Variants in CTNNA2 observed in about 807,000 individuals in gnomAD.
CTNNA2 encodes catenin alpha 2, also known as catenin alpha-2.
In CTNNA2, 42 loss-of-function variants were observed where a neutral mutation model predicts 101.0. The observed-to-expected ratio is 0.42, with a 90% CI of 0.32 to 0.54. CTNNA2 has a LOEUF of 0.54. CTNNA2 is among the 20% of genes least tolerant of loss of function. The pLI, the probability that CTNNA2 is intolerant of heterozygous loss-of-function variation, is 0.14. For missense variants in CTNNA2, 871 were observed against 1,223.1 expected, an observed-to-expected ratio of 0.71 and a Z score of 4.29; for synonymous variants, 450 against 456.4, an observed-to-expected ratio of 0.99 and a Z score of 0.18.
chr2:79,268,122 T>C (rs1261511319), intron 2 of CTNNA2, among the ~76,000 whole-genome samples: 1 of 152,048 alleles, frequency 6.6e-6, no homozygotes, highest in Non-Finnish European at 1.5e-5. Flanking sequence ...AGGGGCCTGA[T>C]GGTAGTGAAT....
intron 1 of CTNNA2, among the ~76,000 whole-genome samples, chr2:79,631,817 T>TACTGAAGCATGCCTC (rs1204094110): frequency 2.0e-5 from 3 of 152,198 alleles, no homozygotes; most frequent in African/African-American, 7.2e-5. Flanking sequence ...CCCACTGCCT[T>TACTGAAGCATGCCTC]ACTGAAGCAT....
intron 6 of CTNNA2, among the ~76,000 whole-genome samples, chr2:79,897,647 C>G (rs760668342): frequency 1.5e-4 from 23 of 152,210 alleles, no homozygotes; most frequent in Non-Finnish European, 2.5e-4. Context: ...AGAATTACAA[C>G]TAGAAGGAAT....
intron 9 of CTNNA2, among the ~76,000 whole-genome samples, chr2:80,514,022 A>G (rs2149558053): frequency 6.6e-6 from 1 of 152,144 alleles, no homozygotes; most frequent in Admixed American, 6.5e-5. Flanking sequence ...TCTTTCTCAT[A>G]ATCTTTATTT....
intron 1 of CTNNA2, among the ~76,000 whole-genome samples, chr2:79,551,246 A>G (rs1327257389): frequency 2.6e-5 from 4 of 152,182 alleles, no homozygotes; most frequent in African/African-American, 9.6e-5. Flanking sequence ...GCTTTTTCCA[A>G]AGAGGTTTTG....
chr2:80,092,387 CA>C (rs1699844239), intron 7 of CTNNA2, among the ~76,000 whole-genome samples: 1 of 152,112 alleles, frequency 6.6e-6, no homozygotes, highest in South Asian at 2.1e-4. Flanking sequence ...AACAGGCATA[CA>C]CCCGTCACCT....
At position 80,163,131 on chromosome 2, in the gene CTNNA2, C is replaced by T. The variant is rs1573266174; in HGVS notation, c.1057-230080C>T. On this transcript the variant is annotated intron_variant, in intron 7 of 18. Transcript: ENST00000402739. The stretch of plus-strand genomic sequence containing the variant: ...ACCATCCTTATCTTTTGGAATTTCA[C>T]CTTTATTACTGGCCCAGCCTGGTGG... 8 of 1,572,682 alleles carry T rather than the reference C, an allele frequency of 5.1e-6. No individual in the cohort carries two copies. In the East Asian group the frequency reaches 1.8e-4, roughly 35 times the overall value.
At chr2:79,907,025 A>G (rs1164243829) in intron 6 of CTNNA2, among the ~76,000 whole-genome samples, 2 of 152,146 alleles carry the variant, frequency 1.3e-5, no homozygotes, top group Non-Finnish European at 2.9e-5. Flanking sequence ...CTGTTTTACA[A>G]TTGTCCTTAC....
At chr2:80,206,378 G>A (rs1573388343) in intron 7 of CTNNA2, among the ~76,000 whole-genome samples, 1 of 152,328 alleles carries the variant, frequency 6.6e-6, no homozygotes. Context: ...ACAATTTGAA[G>A]CCTATGCATT....
At chr2:79,302,772 A>G (rs1271800379) in intron 2 of CTNNA2, among the ~76,000 whole-genome samples, 1 of 152,190 alleles carries the variant, frequency 6.6e-6, no homozygotes, top group East Asian at 1.9e-4. Flanking sequence ...ATAAATAGCT[A>G]TCATTTCAAA....
intron 4 of CTNNA2, among the ~76,000 whole-genome samples, chr2:79,860,554 T>TTTTTTTTTTG: frequency 6.7e-6 from 1 of 149,994 alleles, no homozygotes; most frequent in Non-Finnish European, 1.5e-5. Flanking sequence ...AAGTTTTTTT[T>TTTTTTTTTTG]TTTTTTTTTT....
At chr2:79,390,714 A>G (rs1005744996) in intron 4 of CTNNA2, among the ~76,000 whole-genome samples, 2 of 152,172 alleles carry the variant, frequency 1.3e-5, no homozygotes, top group South Asian at 2.1e-4. Context: ...TATTTGGTCT[A>G]TCTTCCACGA....
At chr2:80,015,296 A>G (rs1400326667) in intron 7 of CTNNA2, among the ~76,000 whole-genome samples, 2 of 151,996 alleles carry the variant, frequency 1.3e-5, no homozygotes, top group Non-Finnish European at 2.9e-5. Flanking sequence ...TCTGTATTTG[A>G]AATTAAACCA....
intron 2 of CTNNA2, among the ~76,000 whole-genome samples, chr2:79,262,634 T>A (rs1674938388): frequency 6.6e-6 from 1 of 152,018 alleles, no homozygotes; most frequent in Non-Finnish European, 1.5e-5. Flanking sequence ...TGGGATCTGG[T>A]TTAAAATGCG....
intron 7 of CTNNA2, among the ~76,000 whole-genome samples, chr2:79,975,032 T>C (rs536865644): frequency 1.3e-5 from 2 of 152,262 alleles, no homozygotes; most frequent in South Asian, 4.1e-4. Context: ...CTGGTGAGCT[T>C]GGAACACGGT....
chr2:80,383,005 A>G (rs1676653452), intron 7 of CTNNA2, among the ~76,000 whole-genome samples: 1 of 152,186 alleles, frequency 6.6e-6, no homozygotes, highest in South Asian at 2.1e-4. Context: ...TAAAGATGAA[A>G]TGGCATTTTT....
At chr2:79,559,077 G>A (rs1365093695) in intron 1 of CTNNA2, among the ~76,000 whole-genome samples, 2 of 151,888 alleles carry the variant, frequency 1.3e-5, no homozygotes, top group African/African-American at 4.8e-5. Context: ...AAATTTTGAT[G>A]AATGAATGCT....
intron 3 of CTNNA2, among the ~76,000 whole-genome samples, chr2:79,362,751 A>T (rs6712199): frequency 0.36 from 54,841 of 152,086 alleles, 10,204 homozygotes; most frequent in Admixed American, 0.44. Flanking sequence ...TGACCCCAAC[A>T]TTTCTGATAG....
chr2:79,811,419 T>G (rs1176537673), intron 3 of CTNNA2, among the ~76,000 whole-genome samples: 3 of 152,212 alleles, frequency 2.0e-5, no homozygotes, highest in African/African-American at 4.8e-5. Context: ...AGATTCTGGA[T>G]ATTAGCCCTT....
chr2:79,364,620 T>A lies in CTNNA2; in HGVS notation c.-317-9211T>A, dbSNP rs146722117. ...GTACAGAAGCTGGAGAGTTCTTGAC[T>A]GCTTTAGGTTGAATAAAGTCTAAAG... On this transcript the variant is annotated intron_variant, in intron 3 of 21. Coordinates refer to the CTNNA2 transcript ENST00000466387. 1.5e-3 allele frequency among the ~76,000 whole-genome samples: 221 copies of A among 152,338 alleles called. 2 individuals carry two copies. The highest frequency in any genetic ancestry group is 5.0e-3 in the African/African-American group (209 of 41,576).
Sources: allele counts gnomAD v4.1 joint callset (sites outside exome capture counted in the v4.1 genomes callset), GRCh38; gene constraint gnomAD v4.1.1; transcripts MANE v1.5; gene names NCBI Gene and HGNC (gene_info 2026-07-23, HGNC 2026-07-21).